BPTF: variants seen among roughly 807,000 people sequenced by gnomAD.
The protein encoded by BPTF is nucleosome-remodeling factor subunit BPTF.
Under a neutral mutation model 292.5 loss-of-function variants are expected in BPTF, and 18 were observed. The ratio of observed to expected loss-of-function variants is 0.06; its 90% CI spans 0.04 to 0.09. BPTF has a LOEUF of 0.09. BPTF is among the 10% of genes least tolerant of loss of function. The probability of loss-of-function intolerance (pLI) is 1.00; values close to 1 mark genes in which losing one functional copy is unlikely to be tolerated. For missense variants in BPTF, 2,726 were observed against 3,498.7 expected, an observed-to-expected ratio of 0.78 and a Z score of 5.57; for synonymous variants, 1,225 against 1,251.9, an observed-to-expected ratio of 0.98 and a Z score of 0.45.
rs1322381515 is a variant in BPTF, at chr17:67,983,242, C to G, written c.*954C>G. On this transcript the variant is annotated 3_prime_UTR_variant, in exon 28 of 28. Transcript: ENST00000306378. The stretch of plus-strand genomic sequence containing the variant: ...GCAAGGTCATGAAAGGCAGAAGAGT[C>G]TAATTGTGCCTGGATTTCTCCAGGA... 6.6e-6 allele frequency: 1 copy of G among 152,612 alleles called. No homozygotes were observed. The highest frequency in any genetic ancestry group is 2.4e-5 in the African/African-American group (1 of 41,446). The allele number at this position is 152,612 out of a possible 1,614,324, so 9.5% of individuals were successfully genotyped here.
At chr17:67,971,678 C>T (rs918752337) in intron 26 of BPTF, among the ~76,000 whole-genome samples, 1 of 151,692 alleles carries the variant, frequency 6.6e-6, no homozygotes, top group Admixed American at 6.6e-5. Context: ...GTGGTGTGTG[C>T]CTGTAATCCC....
In BPTF at chr17:67,825,556, G is replaced by A. The variant is rs1423922498; in HGVS notation, c.-169G>A. 5 of 430,790 alleles carry A rather than the reference G, an allele frequency of 1.2e-5. No individual in the cohort carries two copies. The highest frequency in any genetic ancestry group is 6.7e-5 in the South Asian group (4 of 59,704). The allele number at this position is 430,790 out of a possible 1,614,324, so 26.7% of individuals were successfully genotyped here. A position where few individuals can be genotyped will look rare whatever the true frequency, so the allele number is the denominator to read the frequency against. On this transcript the variant is annotated 5_prime_UTR_variant, in exon 1 of 28. It introduces an in-frame stop codon into an upstream open reading frame of the 5' UTR. Coordinates refer to ENST00000306378, the MANE Select transcript of BPTF (RefSeq NM_182641.4). ...ATGGCGGCTGAAGGCGATCCGGAGT[G>A]GGGCCCCAGCAATTCGGATTGAGCC...
Position 67,940,536 on chromosome 17 carries a change from A to G in BPTF, c.6357A>G (p.Lys2119=). The change falls in exon 19 of 28, where the codon AAA becomes AAG. Residue 2119 remains lysine (K), a synonymous_variant. Coordinates refer to ENST00000306378, the MANE Select transcript of BPTF (RefSeq NM_182641.4). ...CGGTTTCCTCAACACCTGGGCAGAA[A>G]AGCTTAACTTCAGCAACGTCCACTT... is the stretch of plus-strand genomic sequence containing the variant. ...PNTVSSTPGQ[K]SLTSATSTSN... 2 of 1,614,054 alleles carry G rather than the reference A, an allele frequency of 1.2e-6. No individual in the cohort carries two copies. The highest frequency in any genetic ancestry group is 1.7e-6 in the Non-Finnish European group (2 of 1,180,012).
At chr17:67,934,739 G>T (rs868035583) in intron 18 of BPTF, among the ~76,000 whole-genome samples, 1 of 151,608 alleles carries the variant, frequency 6.6e-6, no homozygotes. Context: ...GGGTGTGGTG[G>T]TGCACACCTG....
At chr17:67,922,379 C>CT (rs2063512791) in intron 13 of BPTF, among the ~76,000 whole-genome samples, 1 of 152,160 alleles carries the variant, frequency 6.6e-6, no homozygotes, top group African/African-American at 2.4e-5. Context: ...ACTCTCAAAT[C>CT]CCCCTTCTCT....
intron 1 of BPTF, among the ~76,000 whole-genome samples, chr17:67,846,368 C>T (rs193196271): frequency 6.6e-6 from 1 of 152,238 alleles, no homozygotes; most frequent in East Asian, 1.9e-4. Context: ...TTGAACTTCA[C>T]TTATTGTGTG....
chr17:67,867,047 G>C (rs1290810653), intron 3 of BPTF, among the ~76,000 whole-genome samples: 2 of 152,194 alleles, frequency 1.3e-5, no homozygotes, highest in Admixed American at 6.5e-5. Flanking sequence ...AATCTTATGT[G>C]ATCACCATCA....
chr17:67,896,028 A>T (rs1371084562), intron 7 of BPTF, among the ~76,000 whole-genome samples: 1 of 144,670 alleles, frequency 6.9e-6, no homozygotes, highest in African/African-American at 2.6e-5. Flanking sequence ...CAGTGGCGTG[A>T]TCTCGGCTCA....
chr17:67,855,331 G>C (rs1249923108), intron 2 of BPTF, among the ~76,000 whole-genome samples: 1 of 152,084 alleles, frequency 6.6e-6, no homozygotes, highest in African/African-American at 2.4e-5. Context: ...AAAGTTTCTA[G>C]GTGGAATGCC....
chr17:67,870,242 A>G (rs1307313373), intron 3 of BPTF, among the ~76,000 whole-genome samples: 3 of 150,908 alleles, frequency 2.0e-5, no homozygotes. Flanking sequence ...AATGACATAA[A>G]TATTTTTTTC....
chr17:67,873,807 A>C (rs1269505923), intron 3 of BPTF, among the ~76,000 whole-genome samples: 2 of 152,206 alleles, frequency 1.3e-5, no homozygotes, highest in African/African-American at 4.8e-5. Flanking sequence ...GAGACTCTAG[A>C]ATAGTAACAC....
chr17:67,945,293 G>C, intron 20 of BPTF, 116 bp from the exon 21 acceptor site: 1 of 1,501,682 alleles, frequency 6.7e-7, no homozygotes, highest in Non-Finnish European at 8.9e-7. Flanking sequence ...GTGCACAGGT[G>C]TGAGCCACCA....
At position 67,928,659 on chromosome 17, in the gene BPTF, C is replaced by T. The variant is rs182932345; in HGVS notation, c.5998+58C>T. ...TGGTTCAGGAAAAAGAATTTTCAACCCTTTAGCTACTGAAATGAAACATTT... is the reference window on the plus strand; with the variant it reads ...TGGTTCAGGAAAAAGAATTTTCAACTCTTTAGCTACTGAAATGAAACATTT... On this transcript the variant is annotated intron_variant, in intron 16 of 27. Coordinates refer to ENST00000306378, the MANE Select transcript of BPTF (RefSeq NM_182641.4). 14 of 1,496,402 alleles carry T rather than the reference C, an allele frequency of 9.4e-6. No homozygotes were observed. The Admixed American group carries it at 3.1e-4, about 34-fold the overall frequency. The allele number at this position is 1,496,402 out of a possible 1,614,324, so 92.7% of individuals were successfully genotyped here. A position where few individuals can be genotyped will look rare whatever the true frequency, so the allele number is the denominator to read the frequency against.
chr17:67,845,024 T>G (rs2057928793), intron 1 of BPTF, among the ~76,000 whole-genome samples: 1 of 152,240 alleles, frequency 6.6e-6, no homozygotes, highest in Non-Finnish European at 1.5e-5. Flanking sequence ...ATTACAGGCA[T>G]GAGCCACTGC....
chr17:67,975,679 C>T lies in BPTF; in HGVS notation c.8540-93C>T, dbSNP rs2069322351. 1.0e-5 allele frequency: 12 copies of T among 1,149,660 alleles called. 1 individual carries two copies. The South Asian group carries it at 1.8e-4, about 18-fold the overall frequency. The allele number at this position is 1,149,660 out of a possible 1,614,324, so 71.2% of individuals were successfully genotyped here. ...CAGCCTGGCTCCAGGACTGCTTGCA[C>T]AGTAAACATATATACTTGTTAGAAC... On this transcript the variant is annotated intron_variant, in intron 26 of 27. Transcript: ENST00000306378.
At chr17:67,979,047 A>G (rs1365031232) in intron 27 of BPTF, among the ~76,000 whole-genome samples, 4 of 150,642 alleles carry the variant, frequency 2.7e-5, no homozygotes, top group Non-Finnish European at 5.9e-5. Context: ...GGTGATGTAC[A>G]CCTGTGGTCC....
Position 67,832,016 on chromosome 17 carries a change from C to T in BPTF, c.613+5679C>T, listed in dbSNP as rs564470298. On this transcript the variant is annotated intron_variant, in intron 1 of 27. Coordinates refer to ENST00000306378, the MANE Select transcript of BPTF (RefSeq NM_182641.4). ...AAGCGATTCTCCTGCCTCAGCCTCC[C>T]GAGTAGGGGACTACAGGCGCCTGCC... 5.3e-5 allele frequency among the ~76,000 whole-genome samples: 8 copies of T among 152,196 alleles called. No homozygotes were observed. In the East Asian group the frequency reaches 1.4e-3, roughly 26 times the overall value.
At chr17:67,979,857 A>G (rs1275220048) in intron 27 of BPTF, among the ~76,000 whole-genome samples, 1 of 152,078 alleles carries the variant, frequency 6.6e-6, no homozygotes, top group African/African-American at 2.4e-5. Flanking sequence ...CCTGGCCAAC[A>G]TCGTGAAACC....
At chr17:67,881,863 T>TC (rs1555632610) in intron 4 of BPTF, among the ~76,000 whole-genome samples, 5 of 47,026 alleles carry the variant, frequency 1.1e-4, no homozygotes, top group Admixed American at 4.1e-4. Context: ...TTTTTGTTTT[T>TC]TTTTTTTTTT....
Sources: allele counts gnomAD v4.1 joint callset (sites outside exome capture counted in the v4.1 genomes callset), GRCh38; gene constraint gnomAD v4.1.1; transcripts MANE v1.5; gene names NCBI Gene and HGNC (gene_info 2026-07-23, HGNC 2026-07-21).